The following SLC4A4 variants were observed in gnomAD, a reference collection of about 807,000 sequenced individuals.
SLC4A4 encodes the protein solute carrier family 4 member 4, also known as electrogenic sodium bicarbonate cotransporter 1.
Under a neutral mutation model 111.5 loss-of-function variants are expected in SLC4A4, and 27 were observed. The observed-to-expected ratio is 0.24, with a 90% CI of 0.18 to 0.33. The LOEUF is 0.33. Among genes scored for constraint, SLC4A4 ranks in the 10% least tolerant of loss-of-function variants. SLC4A4 has a pLI of 1.00. For missense variants in SLC4A4, 909 were observed against 1,315.5 expected, an observed-to-expected ratio of 0.69 and a Z score of 4.78; for synonymous variants, 443 against 463.4, an observed-to-expected ratio of 0.96 and a Z score of 0.57.
At chr4:71,074,604 G>A (rs1741757519) in intron 1 of SLC4A4, among the ~76,000 whole-genome samples, 1 of 151,720 alleles carries the variant, frequency 6.6e-6, no homozygotes, top group Non-Finnish European at 1.5e-5. Flanking sequence ...GAGGGAGGAG[G>A]AAGGAAAGAG....
intron 7 of SLC4A4, among the ~76,000 whole-genome samples, chr4:71,403,397 T>G (rs1720547095): frequency 6.6e-6 from 1 of 152,174 alleles, no homozygotes; most frequent in African/African-American, 2.4e-5. Context: ...TCATGGAACT[T>G]CCATACTTTT....
chr4:71,468,560 T>G (rs1348317471), intron 13 of SLC4A4, among the ~76,000 whole-genome samples: 2 of 152,048 alleles, frequency 1.3e-5, no homozygotes, highest in Non-Finnish European at 2.9e-5. Flanking sequence ...AAGCCATGCT[T>G]TAAATCCATC....
chr4:71,171,959 T>G (rs1212715011), intron 2 of SLC4A4, among the ~76,000 whole-genome samples: 2 of 152,250 alleles, frequency 1.3e-5, no homozygotes, highest in Admixed American at 1.3e-4. Flanking sequence ...GAGTTGTCTA[T>G]AACTCTTCTA....
At chr4:71,144,669 T>C (rs1452176779) in intron 2 of SLC4A4, among the ~76,000 whole-genome samples, 2 of 151,680 alleles carry the variant, frequency 1.3e-5, no homozygotes, top group African/African-American at 4.9e-5. Flanking sequence ...TCACATCCCT[T>C]GTAAGTTGGA....
intron 1 of SLC4A4, among the ~76,000 whole-genome samples, chr4:71,072,442 C>G (rs1256918516): frequency 6.6e-6 from 1 of 152,086 alleles, no homozygotes; most frequent in Non-Finnish European, 1.5e-5. Context: ...ATTTATCACC[C>G]ATTCAGTAGT....
intron 2 of SLC4A4, among the ~76,000 whole-genome samples, chr4:71,154,595 T>C (rs1197406679): frequency 6.6e-6 from 1 of 152,148 alleles, no homozygotes; most frequent in Non-Finnish European, 1.5e-5. Context: ...TAGAATTGGG[T>C]AATTATTATG....
chr4:71,530,912 C>T (rs1733856911), intron 16 of SLC4A4, among the ~76,000 whole-genome samples: 1 of 152,116 alleles, frequency 6.6e-6, no homozygotes, highest in East Asian at 1.9e-4. Flanking sequence ...ACTGCTCACC[C>T]TGAGATAACT....
chr4:71,426,727 A>G (rs1209324813), intron 7 of SLC4A4, among the ~76,000 whole-genome samples: 1 of 152,160 alleles, frequency 6.6e-6, no homozygotes, highest in Non-Finnish European at 1.5e-5. Context: ...ATAATTGCCA[A>G]GGTTATATTA....
chr4:71,355,332 G>T (rs937114315), intron 5 of SLC4A4, among the ~76,000 whole-genome samples: 1 of 152,176 alleles, frequency 6.6e-6, no homozygotes, highest in East Asian at 1.9e-4. Flanking sequence ...CTGTAAAATG[G>T]ACTTTCCACT....
chr4:71,245,330 A>G (rs901582321), intron 2 of SLC4A4, among the ~76,000 whole-genome samples: 13 of 152,194 alleles, frequency 8.5e-5, no homozygotes, highest in African/African-American at 2.9e-4. Context: ...TGTATTTTAG[A>G]AAAGATTCCT....
At chr4:71,340,748 G>T (rs1728844177) in intron 4 of SLC4A4, among the ~76,000 whole-genome samples, 1 of 152,094 alleles carries the variant, frequency 6.6e-6, no homozygotes, top group South Asian at 2.1e-4. Context: ...TATCAATAAA[G>T]AGTGGATAAT....
intron 9 of SLC4A4, among the ~76,000 whole-genome samples, chr4:71,448,543 A>G (rs942791488): frequency 6.6e-6 from 1 of 152,184 alleles, no homozygotes; most frequent in East Asian, 1.9e-4. Context: ...AAGGAATGAT[A>G]CACATCTAAA....
chr4:71,396,248 G>C (rs1298605025), intron 6 of SLC4A4, among the ~76,000 whole-genome samples: 2 of 152,192 alleles, frequency 1.3e-5, no homozygotes, highest in Non-Finnish European at 2.9e-5. Context: ...AGATTTAAGA[G>C]ATCTAGGCCA....
chr4:71,203,094 T>C (rs896619745), intron 1 of SLC4A4, among the ~76,000 whole-genome samples: 2 of 152,110 alleles, frequency 1.3e-5, no homozygotes, highest in Admixed American at 6.5e-5. Context: ...ATAAAAGATT[T>C]GAGGTAGACT....
At chr4:71,351,310 C>G (rs974778907) in intron 5 of SLC4A4, among the ~76,000 whole-genome samples, 4 of 152,146 alleles carry the variant, frequency 2.6e-5, no homozygotes, top group Admixed American at 6.5e-5. Flanking sequence ...TACAATCAAC[C>G]CTAACCCAGG....
At position 71,266,219 on chromosome 4, in the gene SLC4A4, A is replaced by G. The variant is rs1462283188; in HGVS notation, c.253+10820A>G. Among the ~76,000 whole-genome samples, 6 of 152,336 alleles carry G rather than the reference A, an allele frequency of 3.9e-5. No individual in the cohort carries two copies. The East Asian group carries it at 1.2e-3, about 29-fold the overall frequency. On this transcript the variant is annotated intron_variant, in intron 3 of 25. Transcript: ENST00000264485. ...GGGTCTAGGGGAATTTTTGTAAGCA[A>G]TGAACCATTCTTTAATTGTGAAACC...
intron 6 of SLC4A4, among the ~76,000 whole-genome samples, chr4:71,364,424 A>G (rs1731061754): frequency 6.6e-6 from 1 of 152,260 alleles, no homozygotes; most frequent in African/African-American, 2.4e-5. Context: ...TCATACTGCC[A>G]TAACAAAATA....
chr4:71,204,069 C>G (rs550677406), intron 1 of SLC4A4, among the ~76,000 whole-genome samples: 1 of 152,276 alleles, frequency 6.6e-6, no homozygotes, highest in East Asian at 1.9e-4. Flanking sequence ...AAAGGTTTAT[C>G]AAAAGGAGAG....
rs186606907 is a variant in SLC4A4 at position 71,136,179 on chromosome 4, A to G, written c.-2+43387A>G. 3.6e-4 allele frequency among the ~76,000 whole-genome samples: 55 copies of G among 152,306 alleles called. No individual in the cohort carries two copies. In the East Asian group the frequency reaches 5.0e-3, roughly 14 times the overall value. On this transcript the variant is annotated intron_variant, in intron 2 of 26. Transcript: ENST00000649996. Reference sequence around the variant, plus strand: ...TTTAATACTTCTGTGTCTAGCATTCATCTTATCTCAGGGCCTTTAGCTGGG... The same window carrying G: ...TTTAATACTTCTGTGTCTAGCATTCGTCTTATCTCAGGGCCTTTAGCTGGG...
Sources: allele counts gnomAD v4.1 joint callset (sites outside exome capture counted in the v4.1 genomes callset), GRCh38; gene constraint gnomAD v4.1.1; transcripts MANE v1.5; gene names NCBI Gene and HGNC (gene_info 2026-07-23, HGNC 2026-07-21).